ENPEP: variants seen among roughly 807,000 people sequenced by gnomAD.
ENPEP encodes the protein AP-A.
In ENPEP, 103 loss-of-function variants were observed where a neutral mutation model predicts 114.5. The ratio of observed to expected loss-of-function variants is 0.90; its 90% CI spans 0.77 to 1.06. The LOEUF (loss-of-function observed/expected upper bound fraction) is 1.06, where lower values mean the gene tolerates loss of function less well. Among genes scored for constraint, ENPEP ranks in the 50% least tolerant of loss-of-function variants. ENPEP has a pLI of 0.00. For synonymous variants in ENPEP, 420 were observed against 422.0 expected, an observed-to-expected ratio of 1.00 and a Z score of 0.06; for missense variants, 1,196 against 1,161.3, an observed-to-expected ratio of 1.03 and a Z score of -0.43.
chr4:110,511,445 G>T (rs893026629), intron 6 of ENPEP, among the ~76,000 whole-genome samples: 1 of 151,942 alleles, frequency 6.6e-6, no homozygotes, highest in Non-Finnish European at 1.5e-5. Flanking sequence ...CAGCTGTCTC[G>T]TGGGGGACAA....
chr4:110,476,539 CGT>C lies in ENPEP; in HGVS notation c.129_130del (p.Cys43Ter). ...GGACTTGCCGTGGGCTTGACCAGATCGTGTGACTCCAGCGGGGACGGCGGGCC... is the reference window on the plus strand; with the variant it reads ...GGACTTGCCGTGGGCTTGACCAGATCGTGACTCCAGCGGGGACGGCGGGCC... On this transcript the variant is annotated frameshift_variant, in exon 1 of 20. Coordinates refer to ENST00000265162, the MANE Select transcript of ENPEP (RefSeq NM_001977.4). LOFTEE classifies it high-confidence loss of function. 6.2e-7 allele frequency: 1 copy of C among 1,610,394 alleles called. No homozygotes were observed. Among genetic ancestry groups the C allele is most frequent in the African/African-American group, 1.3e-5 (1 of 74,978 alleles).
chr4:110,540,185 T>C (rs1207888017), intron 11 of ENPEP, among the ~76,000 whole-genome samples: 1 of 152,084 alleles, frequency 6.6e-6, no homozygotes, highest in Admixed American at 6.6e-5. Context: ...TAAAATGAAA[T>C]TGCAAGGTGT....
At chr4:110,540,525 G>C (rs1444850409) in intron 11 of ENPEP, among the ~76,000 whole-genome samples, 1 of 152,068 alleles carries the variant, frequency 6.6e-6, no homozygotes, top group African/African-American at 2.4e-5. Flanking sequence ...CTAAACAACT[G>C]AACAGTATTT....
chr4:110,497,081 A>T (rs186622760), intron 3 of ENPEP, among the ~76,000 whole-genome samples: 1 of 152,248 alleles, frequency 6.6e-6, no homozygotes, highest in African/African-American at 2.4e-5. Context: ...ATTAAAGGCT[A>T]TGTGAATATC....
chr4:110,549,847 A>G lies in ENPEP; in HGVS notation c.2462A>G (p.Tyr821Cys), dbSNP rs530693685. 2.5e-6 allele frequency: 4 copies of G among 1,612,936 alleles called. No individual in the cohort carries two copies. Among genetic ancestry groups the G allele is most frequent in the African/African-American group, 1.3e-5 (1 of 74,958 alleles). ...SLAQEKEKLL[Y>C]GLASVKNVTL... Reference sequence around the variant, plus strand: ...GCTCAAGAAAAAGAAAAACTGCTGTATGGATTAGCATCAGTGAAGAACGTT... The same window carrying G: ...GCTCAAGAAAAAGAAAAACTGCTGTGTGGATTAGCATCAGTGAAGAACGTT... Residue 821 changes from tyrosine to cysteine, a missense_variant, in exon 17 of 20, where the codon TAT (tyrosine) becomes TGT (cysteine). Physicochemically the swap from Tyr to Cys is radical, Grantham distance 194. Coordinates refer to ENST00000265162, the MANE Select transcript of ENPEP (RefSeq NM_001977.4).
Position 110,477,991 on chromosome 4 carries a change from C to T in ENPEP, c.644+933C>T, listed in dbSNP as rs187038133. On this transcript the variant is annotated intron_variant, in intron 1 of 19. Transcript: ENST00000265162. ...GCCCTTGCATCAGGGAGGAAGGCTA[C>T]ACTACACCTTGTGTTGTGTCTGGAC... 3.0e-3 allele frequency among the ~76,000 whole-genome samples: 455 copies of T among 152,284 alleles called. 5 individuals carry two copies. The highest frequency in any genetic ancestry group is 4.5e-3 in the Non-Finnish European group (306 of 68,024).
chr4:110,476,188 C>A lies in ENPEP; in HGVS notation c.-227C>A, dbSNP rs138856188. ...TCTTCCTCCCACTCGGCTCCTCTTACGGAGTCCTCATTCCACCCCCCTTGT... is the reference window on the plus strand; with the variant it reads ...TCTTCCTCCCACTCGGCTCCTCTTAAGGAGTCCTCATTCCACCCCCCTTGT... On this transcript the variant is annotated 5_prime_UTR_variant, in exon 1 of 20. Transcript: ENST00000265162. The A allele has an allele frequency of 1.6e-5, 8 of 502,642 alleles. No homozygotes were observed. The highest frequency in any genetic ancestry group is 1.5e-4 in the African/African-American group (8 of 52,648). The allele number at this position is 502,642 out of a possible 1,614,324, so 31.1% of individuals were successfully genotyped here.
rs190711587 is a variant in ENPEP, at chr4:110,496,291, C to T, written c.918+5127C>T. Among the ~76,000 whole-genome samples, 250 of 152,266 alleles carry T rather than the reference C, an allele frequency of 1.6e-3. 1 individual carries two copies. The highest frequency in any genetic ancestry group is 5.0e-3 in the African/African-American group (207 of 41,564). The stretch of plus-strand genomic sequence containing the variant: ...CATAGACTTTGATTTATGTATTTCT[C>T]TTCATAGAAATAATCTTATTTTTTA... On this transcript the variant is annotated intron_variant, in intron 3 of 19. Coordinates refer to ENST00000265162, the MANE Select transcript of ENPEP (RefSeq NM_001977.4).
intron 8 of ENPEP, chr4:110,515,987 A>G (rs1725753574): frequency 6.7e-6 from 2 of 296,810 alleles, no homozygotes; most frequent in African/African-American, 2.2e-5. Flanking sequence ...TAAATGTGAC[A>G]GCTCCCAAAG....
intron 3 of ENPEP, among the ~76,000 whole-genome samples, chr4:110,503,552 A>T (rs945863180): frequency 6.6e-6 from 1 of 152,138 alleles, no homozygotes; most frequent in Non-Finnish European, 1.5e-5. Flanking sequence ...CTATCATTTC[A>T]GTCGTTTCAG....
intron 10 of ENPEP, among the ~76,000 whole-genome samples, chr4:110,521,966 C>T (rs1025808433): frequency 2.0e-5 from 3 of 151,730 alleles, no homozygotes; most frequent in Admixed American, 2.0e-4. Context: ...GCAACCTGTG[C>T]CTCCTGGGTT....
In ENPEP at chr4:110,488,250, G is replaced by A. The variant is rs142335604; in HGVS notation, c.645-291G>A. Among the ~76,000 whole-genome samples the A allele has an allele frequency of 3.4e-3, 518 of 152,234 alleles. 19 individuals are homozygous for A. The South Asian group carries it at 0.046, about 13-fold the overall frequency. ...GCTCCTCCACAGAGTTTTAGTTATG[G>A]CACCAAAATAGCTGTTAGGTTGATG... On this transcript the variant is annotated intron_variant, in intron 1 of 19. Transcript: ENST00000265162.
At chr4:110,491,234 AGT>A in intron 3 of ENPEP, 70 bp downstream of exon 3, 13 of 917,026 alleles carry the variant, frequency 1.4e-5, no homozygotes, top group East Asian at 7.5e-5. Context: ...TTTTTTGGGT[AGT>A]TTTTTTTTTT....
chr4:110,539,093 A>C (rs1230384762), intron 11 of ENPEP, among the ~76,000 whole-genome samples: 1 of 152,224 alleles, frequency 6.6e-6, no homozygotes, highest in East Asian at 1.9e-4. Context: ...ATATTGCAAG[A>C]ATGATCAAAA....
At chr4:110,519,648 T>A in intron 8 of ENPEP, 1 of 191,866 alleles carries the variant, frequency 5.2e-6, no homozygotes, top group Non-Finnish European at 1.1e-5. Context: ...ACCATCATCA[T>A]CATTATTATT....
intron 11 of ENPEP, chr4:110,533,111 CG>C (rs1462823918): frequency 2.2e-6 from 1 of 452,904 alleles, no homozygotes; most frequent in African/African-American, 2.0e-5. Context: ...AAGAATATCT[CG>C]GCAGCTGTTT....
intron 1 of ENPEP, among the ~76,000 whole-genome samples, chr4:110,485,525 A>G (rs1724470604): frequency 1.3e-5 from 2 of 152,174 alleles, no homozygotes; most frequent in Non-Finnish European, 2.9e-5. Context: ...CATCAAAATC[A>G]AGAAATTTAA....
chr4:110,505,005 T>A (rs936718045), intron 3 of ENPEP, among the ~76,000 whole-genome samples: 2 of 152,180 alleles, frequency 1.3e-5, no homozygotes, highest in Non-Finnish European at 2.9e-5. Flanking sequence ...CTTCCTGAAG[T>A]TTTTAATGCA....
chr4:110,478,693 C>T (rs1724201895), intron 1 of ENPEP, among the ~76,000 whole-genome samples: 1 of 152,210 alleles, frequency 6.6e-6, no homozygotes, highest in Non-Finnish European at 1.5e-5. Context: ...CCTGCCACCA[C>T]TTCCCAAAGT....
Sources: allele counts gnomAD v4.1 joint callset (sites outside exome capture counted in the v4.1 genomes callset), GRCh38; gene constraint gnomAD v4.1.1; transcripts MANE v1.5; gene names NCBI Gene and HGNC (gene_info 2026-07-23, HGNC 2026-07-21).